The following HPSE2 variants were observed in gnomAD, a reference collection of about 807,000 sequenced individuals.
HPSE2 encodes heparanase 2 (inactive).
HPSE2 carries 38 observed loss-of-function variants against 60.5 expected under a neutral mutation model. That is an observed-to-expected ratio of 0.63 (90% CI 0.48 to 0.82). HPSE2 has a LOEUF of 0.82. HPSE2 is among the 40% of genes least tolerant of loss of function. The probability of loss-of-function intolerance (pLI) is 0.00; values close to 1 mark genes in which losing one functional copy is unlikely to be tolerated. For missense variants in HPSE2, 713 were observed against 740.4 expected (o/e 0.96, Z 0.43); for synonymous variants, 295 against 293.2 (o/e 1.01, Z -0.06).
At chr10:99,048,734 T>C (rs547346712) in intron 3 of HPSE2, among the ~76,000 whole-genome samples, 2 of 152,172 alleles carry the variant, frequency 1.3e-5, no homozygotes, top group South Asian at 2.1e-4. Context: ...ACTAGGTATA[T>C]ACCCAAAGGA....
At chr10:98,628,903 A>G (rs1565029870) in intron 7 of HPSE2, among the ~76,000 whole-genome samples, 1 of 131,136 alleles carries the variant, frequency 7.6e-6, no homozygotes, top group Non-Finnish European at 1.6e-5. Flanking sequence ...ACTTTGAATT[A>G]AAAAAAGAAA....
In HPSE2 at chr10:98,930,605, G is replaced by C. The variant is rs1428188735; in HGVS notation, c.611-186549C>G. ...GAACTAATTTACATTCCCACCAACAGTGTACAAGCGTTCCTATTTCTCCAC... is the reference window on the plus strand; with the variant it reads ...GAACTAATTTACATTCCCACCAACACTGTACAAGCGTTCCTATTTCTCCAC... On this transcript the variant is annotated intron_variant, in intron 3 of 11. Transcript: ENST00000370552. 2.1e-5 allele frequency among the ~76,000 whole-genome samples: 3 copies of C among 144,704 alleles called. 1 individual carries two copies. Among genetic ancestry groups the C allele is most frequent in the African/African-American group, 8.4e-5 (3 of 35,818 alleles). The allele number at this position is 144,704 out of a possible 152,430, so 94.9% of individuals were successfully genotyped here. A position where few individuals can be genotyped will look rare whatever the true frequency, so the allele number is the denominator to read the frequency against.
intron 3 of HPSE2, among the ~76,000 whole-genome samples, chr10:99,101,013 G>A (rs896860948): frequency 7.2e-5 from 11 of 152,208 alleles, no homozygotes; most frequent in South Asian, 2.1e-4. Context: ...AGGAACAACC[G>A]GTACCAGCCA....
At chr10:99,277,799 T>TA in the HPSE2 span, among the ~76,000 whole-genome samples, 1 of 151,994 alleles carries the variant, frequency 6.6e-6, no homozygotes, top group Non-Finnish European at 1.5e-5. Flanking sequence ...ACCTCACTTT[T>TA]AAAAAAACTG....
intron 3 of HPSE2, among the ~76,000 whole-genome samples, chr10:98,933,568 C>T (rs998146735): frequency 2.8e-5 from 4 of 143,152 alleles, no homozygotes; most frequent in Non-Finnish European, 1.5e-5. Flanking sequence ...AAGTCTCTGA[C>T]TATTATTGTG....
intron 9 of HPSE2, among the ~76,000 whole-genome samples, chr10:98,591,681 T>TA (rs78228889): frequency 0.42 from 63,906 of 150,758 alleles, 16,326 homozygotes; most frequent in Admixed American, 0.54. Context: ...TAAAATAAAA[T>TA]AAATAAATAA....
intron 2 of HPSE2, among the ~76,000 whole-genome samples, chr10:99,189,072 A>C (rs1277036167): frequency 3.9e-5 from 6 of 152,240 alleles, no homozygotes; most frequent in African/African-American, 1.4e-4. Flanking sequence ...GAAAATAAAC[A>C]TGCTTTCAGC....
At chr10:99,085,432 C>T (rs1843284803) in intron 3 of HPSE2, among the ~76,000 whole-genome samples, 1 of 152,302 alleles carries the variant, frequency 6.6e-6, no homozygotes, top group East Asian at 1.9e-4. Context: ...AAAGAAGACT[C>T]CCCTAAGAAG....
At chr10:98,476,019 C>T (rs1940998921) in intron 11 of HPSE2, among the ~76,000 whole-genome samples, 1 of 151,914 alleles carries the variant, frequency 6.6e-6, no homozygotes, top group South Asian at 2.1e-4. Context: ...AAGACACATG[C>T]ACACGTATGT....
At chr10:98,685,184 T>C (rs1362468630) in intron 6 of HPSE2, among the ~76,000 whole-genome samples, 1 of 152,214 alleles carries the variant, frequency 6.6e-6, no homozygotes, top group Non-Finnish European at 1.5e-5. Context: ...TCAAAATAAG[T>C]TGCTGACTTT....
chr10:98,686,024 A>G (rs1321671073), intron 6 of HPSE2, among the ~76,000 whole-genome samples: 1 of 152,074 alleles, frequency 6.6e-6, no homozygotes, highest in Admixed American at 6.5e-5. Flanking sequence ...GATACTTGCA[A>G]TTTTGTACTT....
chr10:99,226,071 A>G (rs1325916027), intron 2 of HPSE2, among the ~76,000 whole-genome samples: 1 of 152,026 alleles, frequency 6.6e-6, no homozygotes, highest in African/African-American at 2.4e-5. Context: ...AGATTTTGAC[A>G]TGGTTTTACC....
chr10:99,261,011 T>C, the HPSE2 span, among the ~76,000 whole-genome samples: 2 of 152,166 alleles, frequency 1.3e-5, no homozygotes, highest in African/African-American at 2.4e-5. Flanking sequence ...AATGGCACTT[T>C]TAATTTCTCC....
chr10:98,562,597 C>A (rs1478303334), intron 9 of HPSE2, among the ~76,000 whole-genome samples: 1 of 151,872 alleles, frequency 6.6e-6, no homozygotes, highest in Admixed American at 6.6e-5. Flanking sequence ...CGCCTGTAGT[C>A]CCAGCTACTC....
intron 4 of HPSE2, among the ~76,000 whole-genome samples, chr10:98,739,599 C>T (rs1477970196): frequency 6.6e-6 from 1 of 152,166 alleles, no homozygotes; most frequent in East Asian, 1.9e-4. Context: ...TCATCTCTGA[C>T]TTTCTAAGGT....
At chr10:99,170,347 T>A (rs570195172) in intron 2 of HPSE2, among the ~76,000 whole-genome samples, 1 of 152,178 alleles carries the variant, frequency 6.6e-6, no homozygotes, top group Non-Finnish European at 1.5e-5. Context: ...CCATGAATAT[T>A]CAAGTCTGCT....
At chr10:98,761,078 A>T (rs1949993508) in intron 3 of HPSE2, among the ~76,000 whole-genome samples, 1 of 152,070 alleles carries the variant, frequency 6.6e-6, no homozygotes, top group South Asian at 2.1e-4. Flanking sequence ...CATTTTGTCT[A>T]GGTTATCCAA....
the HPSE2 span, among the ~76,000 whole-genome samples, chr10:99,292,942 G>A: frequency 6.6e-6 from 1 of 151,984 alleles, no homozygotes; most frequent in Admixed American, 6.6e-5. Context: ...CACCTTCTCT[G>A]CTCCCGCCTC....
At chr10:99,159,890 C>T (rs891504473) in intron 2 of HPSE2, among the ~76,000 whole-genome samples, 1 of 152,090 alleles carries the variant, frequency 6.6e-6, no homozygotes. Context: ...TCTGTAATGC[C>T]AGCATTTTGT....
Sources: gnomAD v4.1 joint callset for allele counts (sites outside exome capture counted in the v4.1 genomes callset) on GRCh38, gnomAD v4.1.1 for gene constraint, MANE v1.5 for transcripts, NCBI Gene and HGNC (gene_info 2026-07-23, HGNC 2026-07-21) for gene names.